JPT1: variants seen among roughly 807,000 people sequenced by gnomAD.
The protein encoded by JPT1 is Jupiter microtubule associated homolog 1.
Under a neutral mutation model 17.0 loss-of-function variants are expected in JPT1, and 5 were observed. That is an observed-to-expected ratio of 0.29 (90% confidence interval 0.15 to 0.62). The LOEUF (loss-of-function observed/expected upper bound fraction) is 0.62. JPT1 is among the 20% of genes least tolerant of loss of function. The pLI, the probability that JPT1 is intolerant of heterozygous loss-of-function variation, is 0.85. For missense variants in JPT1, 158 were observed against 188.1 expected (o/e 0.84, Z 0.94); for synonymous variants, 71 against 73.6 (o/e 0.96, Z 0.18).
intron 4 of JPT1, chr17:75,142,883 AAT>A: frequency 2.7e-6 from 1 of 375,616 alleles, no homozygotes; most frequent in African/African-American, 2.3e-5. Context: ...CGTATATGAA[AAT>A]ACACACACAC....
intron 4 of JPT1, among the ~76,000 whole-genome samples, chr17:75,142,079 A>G (rs899554923): frequency 3.3e-5 from 5 of 152,184 alleles, no homozygotes; most frequent in Admixed American, 3.3e-4. Flanking sequence ...GAAAAAACAA[A>G]AACTGTGAAG....
rs370016046 is a variant in JPT1, at chr17:75,135,963, GA to G, written c.*138del. On this transcript the variant is annotated 3_prime_UTR_variant, in exon 5 of 5. Coordinates refer to ENST00000409753, the MANE Select transcript of JPT1 (RefSeq NM_016185.4). ...ACAGAGAGAAACCTGTTCTTCAAAA[GA>G]AAAAAAAAAAAGACAGCAGTACATA... 68,006 of 976,930 alleles carry G rather than the reference GA, an allele frequency of 0.07. 23 individuals carry two copies. The highest frequency in any genetic ancestry group is 0.091 in the South Asian group (5,208 of 56,946). 60.5% of individuals were successfully genotyped at this position (976,930 alleles called of 1,614,324 possible).
chr17:75,154,472 TC>T lies in JPT1; in HGVS notation c.-76del. On this transcript the variant is annotated 5_prime_UTR_variant, in exon 1 of 5. Transcript: ENST00000409753. ...TCGGACCCGAGGGGCGCTGGGAAAC[TC>T]CACACCCAACAGCCGACCACCGCTG... 1 of 1,394,084 alleles carries T rather than the reference TC, an allele frequency of 7.2e-7. No homozygotes were observed. The highest frequency in any genetic ancestry group is 9.8e-7 in the Non-Finnish European group (1 of 1,024,856). 86.4% of individuals were successfully genotyped at this position (1,394,084 alleles called of 1,614,324 possible).
At chr17:75,151,143 C>T (rs1245508837) in intron 1 of JPT1, among the ~76,000 whole-genome samples, 1 of 151,782 alleles carries the variant, frequency 6.6e-6, no homozygotes, top group Non-Finnish European at 1.5e-5. Flanking sequence ...TGAGCCACCG[C>T]GCCCGGCCAA....
chr17:75,137,946 G>C (rs939788622), intron 4 of JPT1, among the ~76,000 whole-genome samples: 2 of 150,938 alleles, frequency 1.3e-5, no homozygotes, highest in Admixed American at 1.3e-4. Context: ...ACTGCACCCG[G>C]CCTAGTTTTC....
chr17:75,140,471 T>G (rs1226663721), intron 4 of JPT1, among the ~76,000 whole-genome samples: 1 of 152,122 alleles, frequency 6.6e-6, no homozygotes, highest in Non-Finnish European at 1.5e-5. Context: ...TTGCCCGCAG[T>G]CAGGGAGACT....
intron 1 of JPT1, chr17:75,149,201 T>A: frequency 4.5e-6 from 2 of 440,852 alleles, no homozygotes; most frequent in Non-Finnish European, 8.5e-6. Flanking sequence ...AAAAAAAAAT[T>A]AAAAATTAGC....
At chr17:75,142,705 A>AG in intron 4 of JPT1, 2 of 441,316 alleles carry the variant, frequency 4.5e-6, no homozygotes, top group Non-Finnish European at 9.0e-6. Context: ...GGGGAGGGGA[A>AG]GGGAGAGGAG....
chr17:75,136,206 C>G lies in JPT1; in HGVS notation c.361G>C (p.Glu121Gln). Residue 121 changes from glutamate to glutamine, a missense_variant, in exon 5 of 5, where the codon GAG (glutamate) becomes CAG (glutamine). Glu to Gln is a conservative substitution (Grantham distance 29). Coordinates refer to ENST00000409753, the MANE Select transcript of JPT1 (RefSeq NM_016185.4). ...DLPGSLGQSEEKPVPAAPVPS... is the reference protein window; with the variant it reads ...DLPGSLGQSEQKPVPAAPVPS... ...ACAGGCGCAGCAGGCACGGGCTTCT[C>G]TTCACTCTGCCCCAGGCTGCCTGGC... 1 of 1,612,460 alleles carries G rather than the reference C, an allele frequency of 6.2e-7. No individual in the cohort carries two copies. Among genetic ancestry groups the G allele is most frequent in the South Asian group, 1.1e-5 (1 of 91,018 alleles).
At position 75,135,355 on chromosome 17, in the gene JPT1, A is replaced by G. The variant is rs1206200286; in HGVS notation, c.*747T>C. The G allele has an allele frequency of 6.6e-6, 1 of 152,654 alleles. No individual in the cohort carries two copies. The highest frequency in any genetic ancestry group is 2.4e-5 in the African/African-American group (1 of 41,472). The allele number at this position is 152,654 out of a possible 1,614,324, so 9.5% of individuals were successfully genotyped here. A position where few individuals can be genotyped will look rare whatever the true frequency, so the allele number is the denominator to read the frequency against. ...TCATGGTCAAGCACCAGCATCATGC[A>G]CACAGCATCAGGTTATTTAAAACAA... is the stretch of plus-strand genomic sequence containing the variant. On this transcript the variant is annotated 3_prime_UTR_variant, in exon 5 of 5. Coordinates refer to ENST00000409753, the MANE Select transcript of JPT1 (RefSeq NM_016185.4).
At chr17:75,142,885 TAC>T (rs79949682) in intron 4 of JPT1, 223,036 of 378,536 alleles carry the variant, frequency 0.59, 69,865 homozygotes, top group Non-Finnish European at 0.68. Context: ...TATATGAAAA[TAC>T]ACACACACAC....
At chr17:75,139,427 T>C (rs2074267491) in intron 4 of JPT1, among the ~76,000 whole-genome samples, 1 of 152,158 alleles carries the variant, frequency 6.6e-6, no homozygotes, top group Non-Finnish European at 1.5e-5. Flanking sequence ...TTACTAGAAC[T>C]GTTTTGTTTT....
At chr17:75,137,418 T>TC (rs2074220482) in intron 4 of JPT1, among the ~76,000 whole-genome samples, 2 of 151,620 alleles carry the variant, frequency 1.3e-5, no homozygotes, top group African/African-American at 4.9e-5. Flanking sequence ...GTGCAGTACC[T>TC]CAATCACAGC....
intron 1 of JPT1, chr17:75,152,995 G>C (rs2074577316): frequency 6.6e-6 from 1 of 152,144 alleles, no homozygotes; most frequent in Admixed American, 6.6e-5. Context: ...ATTGCTGAGT[G>C]AGGCGTGCTT....
intron 4 of JPT1, among the ~76,000 whole-genome samples, chr17:75,142,507 C>G (rs906268014): frequency 6.8e-6 from 1 of 147,482 alleles, no homozygotes; most frequent in Non-Finnish European, 1.5e-5. Flanking sequence ...TGCAGTGAGC[C>G]GTGATCGTGC....
At chr17:75,150,971 A>C (rs1217525064) in intron 1 of JPT1, among the ~76,000 whole-genome samples, 1 of 143,660 alleles carries the variant, frequency 7.0e-6, no homozygotes, top group Admixed American at 7.6e-5. Flanking sequence ...CTCCTGCCTT[A>C]GCCTCTCGAG....
At chr17:75,145,242 A>C (rs1387181646) in intron 4 of JPT1, 1 of 151,548 alleles carries the variant, frequency 6.6e-6, no homozygotes, top group African/African-American at 2.4e-5. Flanking sequence ...CTGCTTCTTC[A>C]ACCTTTCCGT....
chr17:75,143,755 G>T (rs1197700858), intron 4 of JPT1, among the ~76,000 whole-genome samples: 1 of 151,956 alleles, frequency 6.6e-6, no homozygotes, highest in African/African-American at 2.4e-5. Flanking sequence ...AGAATCGCTT[G>T]AACCTGGGAG....
intron 4 of JPT1, among the ~76,000 whole-genome samples, chr17:75,141,848 C>A (rs1274873857): frequency 2.6e-5 from 4 of 151,914 alleles, no homozygotes; most frequent in African/African-American, 9.7e-5. Context: ...GTGGGTAGAT[C>A]GCTTGAGGTC....
Sources: allele counts gnomAD v4.1 joint callset (sites outside exome capture counted in the v4.1 genomes callset), GRCh38; gene constraint gnomAD v4.1.1; transcripts MANE v1.5; gene names NCBI Gene and HGNC (gene_info 2026-07-23, HGNC 2026-07-21).